VRTN: variants seen among roughly 807,000 people sequenced by gnomAD.
VRTN encodes the protein vertnin.
Under a neutral mutation model 18.2 loss-of-function variants are expected in VRTN, and 5 were observed. That is an observed-to-expected ratio of 0.27 (90% CI 0.14 to 0.58). The LOEUF is 0.58. VRTN is among the 20% of genes least tolerant of loss of function. The pLI, the probability that VRTN is intolerant of heterozygous loss-of-function variation, is 0.91. For missense variants in VRTN, 741 were observed against 939.4 expected (o/e 0.79, Z 2.76); for synonymous variants, 381 against 393.7 (o/e 0.97, Z 0.38).
At position 74,358,051 on chromosome 14, in the gene VRTN, G is replaced by A. The variant is rs772486483; in HGVS notation, c.1268G>A (p.Cys423Tyr). 3.1e-6 allele frequency: 5 copies of A among 1,614,224 alleles called. No individual in the cohort carries two copies. Among genetic ancestry groups the A allele is most frequent in the South Asian group, 1.1e-5 (1 of 91,092 alleles). The change falls in exon 2 of 2, where the codon TGC (cysteine) becomes TAC (tyrosine). Residue 423 changes from cysteine (C) to tyrosine (Y), a missense_variant. This residue lies in a region of VRTN where 494 missense variants were observed against 546.5 expected (regional missense o/e 0.90). Coordinates refer to ENST00000256362, the MANE Select transcript of VRTN (RefSeq NM_018228.3). This position sits in a 1 kb window ranked among gnomAD's most constrained non-coding sequence, Gnocchi z 5.4. Reference sequence around the variant, plus strand: ...CTGAACACACTGGTACCCTATCGCTGCTTCAAACGCAGGTTCCCTGGCATC... The same window carrying A: ...CTGAACACACTGGTACCCTATCGCTACTTCAAACGCAGGTTCCCTGGCATC... ...ISLNTLVPYR[C>Y]FKRRFPGISR...
intron 1 of VRTN, among the ~76,000 whole-genome samples, chr14:74,355,393 A>G (rs937688264): frequency 2.0e-5 from 3 of 152,158 alleles, no homozygotes; most frequent in African/African-American, 7.2e-5. Context: ...AAGCAGAACA[A>G]TCATCCAATG....
At chr14:74,331,545 TATATATATA>T (rs1567041634) in intron 1 of VRTN, among the ~76,000 whole-genome samples, 1 of 7,568 alleles carries the variant, frequency 1.3e-4, no homozygotes, top group African/African-American at 4.8e-4. Context: ...AAAAAAATTT[TATATATATA>T]TATATATATA....
At chr14:74,336,086 A>G (rs953504608) in intron 1 of VRTN, among the ~76,000 whole-genome samples, 12 of 151,880 alleles carry the variant, frequency 7.9e-5, no homozygotes, top group African/African-American at 2.9e-4. Flanking sequence ...TTCTTGTGGC[A>G]AAAATGCAAA....
intron 1 of VRTN, among the ~76,000 whole-genome samples, chr14:74,314,276 C>T (rs575076176): frequency 3.3e-5 from 5 of 151,766 alleles, no homozygotes; most frequent in Admixed American, 2.0e-4. Flanking sequence ...GAGTTGCAGG[C>T]GCACACCACC....
At chr14:74,304,242 T>A (rs992878295) in intron 1 of VRTN, among the ~76,000 whole-genome samples, 2 of 148,696 alleles carry the variant, frequency 1.3e-5, no homozygotes, top group Non-Finnish European at 3.0e-5. Flanking sequence ...CTGCAACCTG[T>A]GCCTCCCGGG....
intron 1 of VRTN, among the ~76,000 whole-genome samples, chr14:74,334,022 G>A (rs183635852): frequency 6.6e-6 from 1 of 152,230 alleles, no homozygotes; most frequent in East Asian, 1.9e-4. Context: ...AGGGAACTGA[G>A]GCACAAAGAG....
intron 1 of VRTN, among the ~76,000 whole-genome samples, chr14:74,311,895 A>C (rs1204922834): frequency 6.6e-6 from 1 of 151,356 alleles, no homozygotes; most frequent in Non-Finnish European, 1.5e-5. Context: ...CAGGCTCCTG[A>C]GTAGCTGGTA....
intron 1 of VRTN, among the ~76,000 whole-genome samples, chr14:74,312,775 G>T (rs2085396605): frequency 7.4e-6 from 1 of 135,156 alleles, no homozygotes; most frequent in African/African-American, 3.0e-5. Flanking sequence ...TTTTTTTGAG[G>T]CAGAGTCTCG....
rs567953510 is a variant in VRTN at position 74,318,956 on chromosome 14, C to T, written c.-164+15780C>T. ...TCTTGAACTCCTGACCTCAAGTGAT[C>T]GACCTGCCTCGGCCTCCCAAAGTGC... On this transcript the variant is annotated intron_variant, in intron 1 of 2. Coordinates refer to the VRTN transcript ENST00000557177. 7.3e-4 allele frequency among the ~76,000 whole-genome samples: 111 copies of T among 152,120 alleles called. 5 individuals carry two copies. In the South Asian group the frequency reaches 0.021, roughly 29 times the overall value.
chr14:74,357,581 G>A lies in VRTN; in HGVS notation c.798G>A (p.Ser266=), dbSNP rs776420441. Residue 266 remains serine, a synonymous_variant, in exon 2 of 2, where the codon TCG becomes TCA. Transcript: ENST00000256362. The surrounding 1 kb of genome is among the most constrained non-coding windows in gnomAD (Gnocchi z 7.8). ...PALPALAPLS[S]PAKTLELLNR... ...TTCCAGCCCTGGCCCCACTCTCATC[G>A]CCGGCCAAGACCCTGGAGCTGCTCA... The A allele has an allele frequency of 5.0e-6, 8 of 1,613,796 alleles. No individual in the cohort carries two copies. The highest frequency in any genetic ancestry group is 4.0e-5 in the African/African-American group (3 of 74,898).
chr14:74,344,222 A>G (rs1039326974), upstream of VRTN, among the ~76,000 whole-genome samples: 9 of 100,368 alleles, frequency 9.0e-5, no homozygotes, highest in Non-Finnish European at 1.7e-4. Context: ...CAGCCTGGAC[A>G]GCATAACAAG....
chr14:74,358,916 G>A lies in VRTN; in HGVS notation c.*24G>A, dbSNP rs1434331837. The A allele has an allele frequency of 6.3e-7, 1 of 1,585,734 alleles. No homozygotes were observed. The highest frequency in any genetic ancestry group is 8.6e-7 in the Non-Finnish European group (1 of 1,165,132). On this transcript the variant is annotated 3_prime_UTR_variant, in exon 2 of 2. Transcript: ENST00000256362. The surrounding 1 kb of genome is among the most constrained non-coding windows in gnomAD (Gnocchi z 5.4). Reference sequence around the variant, plus strand: ...GACAGGGAGGTACAAAAGGGGCTGGGAAGAAGGGGGACCAGTTTGGAGAGG... The same window carrying A: ...GACAGGGAGGTACAAAAGGGGCTGGAAAGAAGGGGGACCAGTTTGGAGAGG...
chr14:74,343,657 G>A (rs889553423), upstream of VRTN, among the ~76,000 whole-genome samples: 6 of 152,062 alleles, frequency 3.9e-5, no homozygotes, highest in South Asian at 1.0e-3. Context: ...ATGCTATCTC[G>A]GCTAAAATAG....
At chr14:74,327,309 A>AC (rs953836914) in intron 1 of VRTN, among the ~76,000 whole-genome samples, 1 of 152,076 alleles carries the variant, frequency 6.6e-6, no homozygotes, top group African/African-American at 2.4e-5. Context: ...GGTCTTCCCC[A>AC]CCTGCCACCT....
intron 1 of VRTN, among the ~76,000 whole-genome samples, chr14:74,318,434 C>T (rs949509605): frequency 6.6e-6 from 1 of 152,152 alleles, no homozygotes; most frequent in African/African-American, 2.4e-5. Context: ...CCACGCCCGG[C>T]TATTTTTGTA....
At chr14:74,313,709 G>A (rs1218237510) in intron 1 of VRTN, among the ~76,000 whole-genome samples, 1 of 152,178 alleles carries the variant, frequency 6.6e-6, no homozygotes, top group South Asian at 2.1e-4. Flanking sequence ...GGCTGGGCGT[G>A]GTGGCTCATA....
chr14:74,321,132 C>A lies in VRTN; in HGVS notation c.-163-16591C>A, dbSNP rs139232700. ...CACACAATTCTTTCAAAGAGTTGTG[C>A]CACAAATGGGGACAAGTAATGTGTC... On this transcript the variant is annotated intron_variant, in intron 1 of 2. Coordinates refer to the VRTN transcript ENST00000557177. Among the ~76,000 whole-genome samples the A allele has an allele frequency of 6.6e-3, 1,005 of 152,078 alleles. 2 individuals are homozygous for A. The highest frequency in any genetic ancestry group is 1.0e-2 in the Non-Finnish European group (678 of 67,996).
chr14:74,312,633 T>C (rs2085395349), intron 1 of VRTN, among the ~76,000 whole-genome samples: 1 of 152,038 alleles, frequency 6.6e-6, no homozygotes, highest in Admixed American at 6.6e-5. Flanking sequence ...GTATTTTTTG[T>C]AGAGACGGGG....
rs1399066332 is a variant in VRTN, at chr14:74,359,021, G to T, written c.*129G>T. On this transcript the variant is annotated 3_prime_UTR_variant, in exon 2 of 2. Coordinates refer to ENST00000256362, the MANE Select transcript of VRTN (RefSeq NM_018228.3). The stretch of plus-strand genomic sequence containing the variant: ...CCACAGTGTCTACCCTAAGTCCAAG[G>T]GTATATTTGTGTTATTTTCTGGCTC... 7 of 1,411,840 alleles carry T rather than the reference G, an allele frequency of 5.0e-6. No homozygotes were observed. Among genetic ancestry groups the T allele is most frequent in the East Asian group, 5.1e-5 (2 of 39,588 alleles). The allele number at this position is 1,411,840 out of a possible 1,614,324, so 87.5% of individuals were successfully genotyped here. A position where few individuals can be genotyped will look rare whatever the true frequency, so the allele number is the denominator to read the frequency against.
Sources: gnomAD v4.1 joint callset for allele counts (sites outside exome capture counted in the v4.1 genomes callset) on GRCh38, gnomAD v4.1.1 for gene constraint, gnomAD v4.1.1 regional missense constraint, Gnocchi (gnomAD v3.1) non-coding constraint, MANE v1.5 for transcripts, NCBI Gene and HGNC (gene_info 2026-07-23, HGNC 2026-07-21) for gene names.